The following SMIM27 variants were observed in gnomAD, a reference collection of about 807,000 sequenced individuals.
SMIM27 encodes the protein TOPORS antisense RNA 1 (non-protein coding).
Under a neutral mutation model 1.8 loss-of-function variants are expected in SMIM27, and 3 were observed. The observed-to-expected ratio is 1.65, with a 90% CI of 0.75 to 4.28. The LOEUF is 4.28. SMIM27 is among the 30% of genes most tolerant of loss of function. The pLI, the probability that SMIM27 is intolerant of heterozygous loss-of-function variation, is 0.02. For synonymous variants in SMIM27, 19 were observed against 13.9 expected (o/e 1.37, Z -0.82); for missense variants, 63 against 37.0 (o/e 1.70, Z -1.83).
chr9:32,558,117 A>ATTTTTTTTTTTT lies in SMIM27; in HGVS notation c.45+5639_45+5650dup, dbSNP rs74178816. Among the ~76,000 whole-genome samples the ATTTTTTTTTTTT allele has an allele frequency of 1.1e-3, 146 of 135,226 alleles. 3 individuals carry two copies. The highest frequency in any genetic ancestry group is 2.6e-3 in the African/African-American group (96 of 36,442). The allele number at this position is 135,226 out of a possible 152,430, so 88.7% of individuals were successfully genotyped here. Reference sequence around the variant, plus strand: ...TATAGCTCACACATTCATAGTATACATTTTTTTTTTTTGAGACGGAGTCTC... The same window carrying ATTTTTTTTTTTT: ...TATAGCTCACACATTCATAGTATACATTTTTTTTTTTTTTTTTTTTTTTTGAGACGGAGTCTC... On this transcript the variant is annotated intron_variant, in intron 1 of 1. Coordinates refer to the SMIM27 transcript ENST00000451672.
chr9:32,551,840 A>G (rs1238902272), upstream of SMIM27: 2 of 449,854 alleles, frequency 4.4e-6, no homozygotes, highest in Non-Finnish European at 9.0e-6. Flanking sequence ...TCTTAGAGAT[A>G]TACATTACGC....
chr9:32,555,911 G>T (rs1207429508), downstream of SMIM27, among the ~76,000 whole-genome samples: 4 of 152,214 alleles, frequency 2.6e-5, no homozygotes, highest in Non-Finnish European at 5.9e-5. Context: ...GAGATTTCAG[G>T]ATTGCCAAGA....
intron 1 of SMIM27, chr9:32,565,641 A>T (rs1309277008): frequency 6.5e-6 from 1 of 152,896 alleles, no homozygotes; most frequent in African/African-American, 2.4e-5. Flanking sequence ...GAGTACCCCA[A>T]AGTTGTCCTC....
At position 32,566,332 on chromosome 9, in the gene SMIM27, T is replaced by C. The variant is rs935544996; in HGVS notation, c.46-59T>C. On this transcript the variant is annotated intron_variant, in intron 1 of 1. Coordinates refer to the SMIM27 transcript ENST00000451672. ...TCCACTTCTCTTCCATCTTGTTCTTTAACTGCTTCCACCAGTGTAGGAATG... is the reference window on the plus strand; with the variant it reads ...TCCACTTCTCTTCCATCTTGTTCTTCAACTGCTTCCACCAGTGTAGGAATG... 4.3e-6 allele frequency: 5 copies of C among 1,171,192 alleles called. No homozygotes were observed. The Admixed American group carries it at 5.0e-5, about 12-fold the overall frequency. The allele number at this position is 1,171,192 out of a possible 1,614,324, so 72.5% of individuals were successfully genotyped here.
Position 32,552,931 on chromosome 9 carries a change from G to C in SMIM27, c.*8G>C. On this transcript the variant is annotated 3_prime_UTR_variant, in exon 2 of 2. Transcript: ENST00000692500. ...ACGAATGAAAATTTGTAACTCTTCTGGATTTAATTATCTGAAAATACAGTT... is the reference window on the plus strand; with the variant it reads ...ACGAATGAAAATTTGTAACTCTTCTCGATTTAATTATCTGAAAATACAGTT... 4.3e-6 allele frequency: 3 copies of C among 698,756 alleles called. 1 individual carries two copies. The South Asian group carries it at 4.5e-5, about 10-fold the overall frequency. 43.3% of individuals were successfully genotyped at this position (698,756 alleles called of 1,614,324 possible).
intron 1 of SMIM27, among the ~76,000 whole-genome samples, chr9:32,558,116 C>CTTTTTTTT (rs1563992291): frequency 1.3e-4 from 11 of 86,558 alleles, no homozygotes; most frequent in South Asian, 4.2e-4. Context: ...TCATAGTATA[C>CTTTTTTTT]ATTTTTTTTT....
downstream of SMIM27, chr9:32,554,009 G>T: frequency 2.0e-6 from 2 of 1,025,300 alleles, no homozygotes; most frequent in Non-Finnish European, 3.0e-6. Context: ...GTTCTATTCT[G>T]TTCTATGTTC....
At chr9:32,557,185 G>A, downstream of SMIM27, among the ~76,000 whole-genome samples, 1 of 120,630 alleles carries the variant, frequency 8.3e-6, no homozygotes, top group Admixed American at 9.0e-5. Flanking sequence ...TTTTTCCCGA[G>A]ACAGAGTCTC....
At chr9:32,554,085 T>C (rs745756205), downstream of SMIM27, 4 of 513,972 alleles carry the variant, frequency 7.8e-6, no homozygotes, top group Admixed American at 3.5e-5. Flanking sequence ...CTAGACAAAG[T>C]AGAAGCTGAC....
At chr9:32,552,147 TG>T, upstream of SMIM27, 1 of 566,354 alleles carries the variant, frequency 1.8e-6, no homozygotes, top group Non-Finnish European at 3.1e-6. Context: ...AGAAAACCAG[TG>T]GAGGTACGCC....
At chr9:32,557,640 C>T (rs747927655), downstream of SMIM27, among the ~76,000 whole-genome samples, 2 of 150,666 alleles carry the variant, frequency 1.3e-5, no homozygotes, top group African/African-American at 2.4e-5. Flanking sequence ...CCACCACGCA[C>T]GGTAATTTTT....
chr9:32,558,052 T>C (rs1821518326), intron 1 of SMIM27, among the ~76,000 whole-genome samples: 1 of 152,050 alleles, frequency 6.6e-6, no homozygotes, highest in Admixed American at 6.6e-5. Flanking sequence ...GACTACTGAG[T>C]CACCTTTTAA....
chr9:32,553,840 T>A, downstream of SMIM27: 2 of 1,360,636 alleles, frequency 1.5e-6, no homozygotes, highest in Non-Finnish European at 2.1e-6. Context: ...AGGAACAAAC[T>A]TAGGCTCATA....
chr9:32,562,625 G>C (rs1275525788), intron 1 of SMIM27, among the ~76,000 whole-genome samples: 1 of 152,138 alleles, frequency 6.6e-6, no homozygotes, highest in Non-Finnish European at 1.5e-5. Context: ...TCACTTTATA[G>C]TAAATTGCTG....
downstream of SMIM27, among the ~76,000 whole-genome samples, chr9:32,557,338 A>T (rs78214335): frequency 1.4e-5 from 2 of 145,858 alleles, no homozygotes; most frequent in African/African-American, 5.1e-5. Flanking sequence ...TAATTTTTGT[A>T]TTTTTTTTTT....
At chr9:32,566,018 A>C (rs1462781654) in intron 1 of SMIM27, 2 of 328,122 alleles carry the variant, frequency 6.1e-6, no homozygotes, top group Non-Finnish European at 1.1e-5. Flanking sequence ...TACTGAAATC[A>C]GATTTGCCGG....
chr9:32,566,680 C>G (rs1821800729), exon 2 of SMIM27: 3 of 821,648 alleles, frequency 3.7e-6, no homozygotes, highest in Non-Finnish European at 6.5e-6. Context: ...ATCCGGCTTT[C>G]ACAGCTGTAT....
At chr9:32,552,301 T>A (rs1289879861), upstream of SMIM27, 3 of 1,331,876 alleles carry the variant, frequency 2.3e-6, no homozygotes, top group Admixed American at 2.0e-5. Flanking sequence ...GCGACAGCGC[T>A]GCACGAAGCG....
chr9:32,560,117 A>C (rs1821585394), intron 1 of SMIM27, among the ~76,000 whole-genome samples: 1 of 152,264 alleles, frequency 6.6e-6, no homozygotes, highest in African/African-American at 2.4e-5. Flanking sequence ...GAGATGCAGA[A>C]TTCAATTAGG....
Sources: gnomAD v4.1 joint callset for allele counts (sites outside exome capture counted in the v4.1 genomes callset) on GRCh38, gnomAD v4.1.1 for gene constraint, MANE v1.5 for transcripts, NCBI Gene and HGNC (gene_info 2026-07-23, HGNC 2026-07-21) for gene names.